The following ROBO1 variants were observed in gnomAD, a reference collection of about 807,000 sequenced individuals.
ROBO1 encodes the protein roundabout guidance receptor 1, also known as roundabout homolog 1.
In ROBO1, 149 loss-of-function variants were observed where a neutral mutation model predicts 195.9. That is an observed-to-expected ratio of 0.76 (90% CI 0.67 to 0.87). The LOEUF is 0.87. ROBO1 is among the 40% of genes least tolerant of loss of function. ROBO1 has a pLI of 0.00. For synonymous variants in ROBO1, 816 were observed against 733.2 expected (o/e 1.11, Z -1.82); for missense variants, 1,933 against 2,068.3 (o/e 0.93, Z 1.27).
chr3:79,671,324 G>A (rs1946625188), intron 1 of ROBO1, among the ~76,000 whole-genome samples: 1 of 151,818 alleles, frequency 6.6e-6, no homozygotes, highest in Non-Finnish European at 1.5e-5. Context: ...ATTTAAGAGA[G>A]GTACTACAGA....
chr3:79,336,623 G>A (rs2034680107), intron 2 of ROBO1, among the ~76,000 whole-genome samples: 1 of 152,190 alleles, frequency 6.6e-6, no homozygotes. Flanking sequence ...CCTCTGCTAG[G>A]GCAGTGAAGA....
rs535883675 is a variant in ROBO1, at chr3:79,127,010, A to G, written c.89-1471T>C. 2.5e-3 allele frequency among the ~76,000 whole-genome samples: 382 copies of G among 151,790 alleles called. 1 individual carries two copies. Among genetic ancestry groups the G allele is most frequent in the Non-Finnish European group, 4.4e-3 (300 of 67,886 alleles). ...AATAACCTGATGTGGCTAAAACGAA[A>G]AAAAAAAAAAAAGTTAAGATCTGTG... On this transcript the variant is annotated intron_variant, in intron 2 of 30. Transcript: ENST00000464233.
chr3:78,719,987 T>A (rs2164549), intron 5 of ROBO1, among the ~76,000 whole-genome samples: 62,381 of 152,016 alleles, frequency 0.41, 13,918 homozygotes, highest in Middle Eastern at 0.53. Flanking sequence ...TTTGTCTTTA[T>A]CATAACCCTG....
chr3:79,689,971 T>G (rs1947251908), intron 1 of ROBO1, among the ~76,000 whole-genome samples: 1 of 152,028 alleles, frequency 6.6e-6, no homozygotes. Flanking sequence ...TGTAAATCAG[T>G]GAAGTGATTA....
intron 3 of ROBO1, chr3:79,019,245 C>A (rs1185778585): frequency 6.1e-6 from 6 of 985,750 alleles, no homozygotes; most frequent in Non-Finnish European, 3.6e-6. Context: ...CCCTAAACTA[C>A]GCAGAAGCCC....
intron 3 of ROBO1, among the ~76,000 whole-genome samples, chr3:79,050,042 C>A (rs1473977937): frequency 6.6e-6 from 1 of 152,092 alleles, no homozygotes; most frequent in Non-Finnish European, 1.5e-5. Context: ...TCACACATAA[C>A]AATATTAACC....
chr3:79,502,451 G>A (rs988859363), intron 2 of ROBO1, among the ~76,000 whole-genome samples: 1 of 152,124 alleles, frequency 6.6e-6, no homozygotes, highest in Non-Finnish European at 1.5e-5. Flanking sequence ...TCCCCGCGGG[G>A]CAGGGCTCGG....
At chr3:79,724,676 T>C (rs1252456115) in intron 1 of ROBO1, among the ~76,000 whole-genome samples, 1 of 152,258 alleles carries the variant, frequency 6.6e-6, no homozygotes, top group Admixed American at 6.5e-5. Flanking sequence ...AGCTTAAAAG[T>C]TGAGGCTTTA....
chr3:78,650,630 A>G (rs568323078), intron 19 of ROBO1, among the ~76,000 whole-genome samples: 67 of 152,318 alleles, frequency 4.4e-4, no homozygotes, highest in Middle Eastern at 3.4e-3. Context: ...CATGTAAGAA[A>G]TGTTCACTTA....
intron 2 of ROBO1, among the ~76,000 whole-genome samples, chr3:79,254,688 T>C (rs1452354259): frequency 1.3e-5 from 2 of 152,170 alleles, no homozygotes; most frequent in Non-Finnish European, 2.9e-5. Flanking sequence ...GACCTGAATC[T>C]GAAATACCAG....
At chr3:79,052,924 A>T (rs968070883) in intron 3 of ROBO1, among the ~76,000 whole-genome samples, 1 of 152,026 alleles carries the variant, frequency 6.6e-6, no homozygotes, top group Non-Finnish European at 1.5e-5. Context: ...TCTAAACATC[A>T]TGCTTATCTC....
rs114847784 is a variant in ROBO1 at position 79,075,406 on chromosome 3, G to A, written c.172+50050C>T. Among the ~76,000 whole-genome samples the A allele has an allele frequency of 6.1e-3, 930 of 151,968 alleles. 13 individuals are homozygous for A. The highest frequency in any genetic ancestry group is 0.021 in the African/African-American group (889 of 41,490). ...GTCAATTTTGCTGTATTTCAGGGAC[G>A]GCTTGGAGAAATTTGATTACATGCA... On this transcript the variant is annotated intron_variant, in intron 3 of 30. Coordinates refer to ENST00000464233, the MANE Select transcript of ROBO1 (RefSeq NM_002941.4).
intron 3 of ROBO1, among the ~76,000 whole-genome samples, chr3:79,025,894 T>A (rs2078194416): frequency 6.6e-6 from 1 of 152,150 alleles, no homozygotes; most frequent in African/African-American, 2.4e-5. Context: ...AGTTAGTGGT[T>A]GACTCGTGAC....
At chr3:78,784,190 T>C in intron 4 of ROBO1, among the ~76,000 whole-genome samples, 1 of 152,146 alleles carries the variant, frequency 6.6e-6, no homozygotes, top group East Asian at 1.9e-4. Flanking sequence ...TGTAGGTTAT[T>C]TGAGGCTGAG....
At chr3:78,750,685 C>T (rs1248369425) in intron 4 of ROBO1, among the ~76,000 whole-genome samples, 4 of 151,846 alleles carry the variant, frequency 2.6e-5, no homozygotes, top group Non-Finnish European at 4.4e-5. Flanking sequence ...GGAAGCAAAG[C>T]AGAATAAAAA....
intron 1 of ROBO1, among the ~76,000 whole-genome samples, chr3:79,612,652 T>G (rs1392808342): frequency 8.9e-4 from 129 of 144,814 alleles, no homozygotes; most frequent in African/African-American, 3.0e-3. Flanking sequence ...ACCAACAGTG[T>G]AAAAGTGTTC....
chr3:79,464,940 C>G (rs1937874748), intron 2 of ROBO1, among the ~76,000 whole-genome samples: 1 of 152,132 alleles, frequency 6.6e-6, no homozygotes, highest in Admixed American at 6.5e-5. Flanking sequence ...CAGCCATAGA[C>G]TCATGGCACC....
At chr3:79,265,872 T>C (rs1023894375) in intron 2 of ROBO1, among the ~76,000 whole-genome samples, 7 of 151,384 alleles carry the variant, frequency 4.6e-5, no homozygotes, top group African/African-American at 1.5e-4. Context: ...GACCCAATGG[T>C]ATTGAAGATT....
intron 2 of ROBO1, among the ~76,000 whole-genome samples, chr3:79,405,015 T>C (rs2037491984): frequency 6.6e-6 from 1 of 152,140 alleles, no homozygotes; most frequent in South Asian, 2.1e-4. Context: ...TTGCCTTGAA[T>C]TGGACTCACT....
Sources: allele counts gnomAD v4.1 joint callset (sites outside exome capture counted in the v4.1 genomes callset), GRCh38; gene constraint gnomAD v4.1.1; transcripts MANE v1.5; gene names NCBI Gene and HGNC (gene_info 2026-07-23, HGNC 2026-07-21).